LINGO2: variants seen among roughly 807,000 people sequenced by gnomAD.
LINGO2 encodes leucine-rich repeat and immunoglobulin-like domain-containing nogo receptor-interacting protein 2.
LINGO2 carries 14 observed loss-of-function variants against 30.6 expected under a neutral mutation model. The ratio of observed to expected loss-of-function variants is 0.46; its 90% CI spans 0.30 to 0.72. The LOEUF (loss-of-function observed/expected upper bound fraction) is 0.72. Among genes scored for constraint, LINGO2 ranks in the 30% least tolerant of loss-of-function variants. LINGO2 has a pLI of 0.07. For missense variants in LINGO2, 729 were observed against 751.7 expected (o/e 0.97, Z 0.35); for synonymous variants, 317 against 288.5 (o/e 1.10, Z -1.00).
intron 4 of LINGO2, among the ~76,000 whole-genome samples, chr9:28,015,830 CAAAT>C (rs1189388071): frequency 6.6e-6 from 1 of 151,980 alleles, no homozygotes; most frequent in African/African-American, 2.4e-5. Context: ...GTTCATTTTA[CAAAT>C]ATATATTGGA....
chr9:28,215,104 T>C (rs2133873255), intron 4 of LINGO2, among the ~76,000 whole-genome samples: 1 of 151,876 alleles, frequency 6.6e-6, no homozygotes. Flanking sequence ...TGAGAATGGC[T>C]GATATTGCTG....
intron 4 of LINGO2, among the ~76,000 whole-genome samples, chr9:28,192,712 T>C (rs1014647735): frequency 2.6e-5 from 4 of 152,194 alleles, no homozygotes; most frequent in Non-Finnish European, 5.9e-5. Context: ...GTTTAGACAC[T>C]TTATGCAAAA....
At chr9:28,470,888 A>C (rs1201161511) in intron 2 of LINGO2, among the ~76,000 whole-genome samples, 1 of 148,332 alleles carries the variant, frequency 6.7e-6, no homozygotes, top group Non-Finnish European at 1.5e-5. Flanking sequence ...ATAATATATA[A>C]TATAGTACAT....
the LINGO2 span, among the ~76,000 whole-genome samples, chr9:28,970,100 AG>A: frequency 6.6e-6 from 1 of 152,090 alleles, no homozygotes; most frequent in Non-Finnish European, 1.5e-5. Context: ...AGGGAAGAGA[AG>A]GGAATAATAG....
At chr9:28,679,877 T>C in the LINGO2 span, among the ~76,000 whole-genome samples, 1 of 152,058 alleles carries the variant, frequency 6.6e-6, no homozygotes, top group Non-Finnish European at 1.5e-5. Flanking sequence ...GTATACACTG[T>C]GGAATGGCTA....
intron 1 of LINGO2, among the ~76,000 whole-genome samples, chr9:28,601,355 C>T (rs1825461954): frequency 6.6e-6 from 1 of 152,140 alleles, no homozygotes; most frequent in Non-Finnish European, 1.5e-5. Context: ...ACCCAGCAGG[C>T]AGCCAGGTGC....
At position 28,434,148 on chromosome 9, in the gene LINGO2, A is replaced by C. The variant is rs147278806; in HGVS notation, c.-279+41792T>G. 3.2e-3 allele frequency among the ~76,000 whole-genome samples: 481 copies of C among 151,688 alleles called. 3 individuals carry two copies. Among genetic ancestry groups the C allele is most frequent in the African/African-American group, 0.011 (461 of 41,408 alleles). ...CTCACTTACAAGTGGGAGCTAAGCT[A>C]TGAGGACTGCAAAGGCATAAGAATG... is the stretch of plus-strand genomic sequence containing the variant. On this transcript the variant is annotated intron_variant, in intron 2 of 5. Transcript: ENST00000379992.
At chr9:28,715,869 C>A in the LINGO2 span, among the ~76,000 whole-genome samples, 1 of 151,998 alleles carries the variant, frequency 6.6e-6, no homozygotes, top group Non-Finnish European at 1.5e-5. Context: ...CTATATTGGA[C>A]TTGTGTCAGT....
the LINGO2 span, among the ~76,000 whole-genome samples, chr9:29,128,040 G>A: frequency 6.6e-6 from 1 of 152,084 alleles, no homozygotes; most frequent in Non-Finnish European, 1.5e-5. Context: ...AGTGGAAGGG[G>A]AAGCATGGGA....
At chr9:28,839,833 C>T in the LINGO2 span, among the ~76,000 whole-genome samples, 8 of 152,180 alleles carry the variant, frequency 5.3e-5, no homozygotes, top group African/African-American at 1.9e-4. Flanking sequence ...AGAAGGCTAT[C>T]TGCCTCCTGC....
the LINGO2 span, among the ~76,000 whole-genome samples, chr9:29,209,977 C>T: frequency 2.6e-5 from 4 of 152,232 alleles, no homozygotes; most frequent in African/African-American, 9.6e-5. Context: ...ACATTTCCAC[C>T]TAGAGTCCTT....
intron 1 of LINGO2, among the ~76,000 whole-genome samples, chr9:28,531,710 G>T (rs1449898620): frequency 6.6e-6 from 1 of 151,848 alleles, no homozygotes; most frequent in African/African-American, 2.4e-5. Flanking sequence ...CACTTTATTT[G>T]TATTAACATT....
At chr9:28,854,405 A>G in the LINGO2 span, among the ~76,000 whole-genome samples, 9 of 152,168 alleles carry the variant, frequency 5.9e-5, no homozygotes, top group South Asian at 6.2e-4. Flanking sequence ...TATGTGCAGC[A>G]TTAAAACTGG....
chr9:28,439,571 T>C (rs1824104004), intron 2 of LINGO2, among the ~76,000 whole-genome samples: 1 of 152,042 alleles, frequency 6.6e-6, no homozygotes, highest in Non-Finnish European at 1.5e-5. Context: ...AGAGTTCTCA[T>C]GAGATCTAGT....
intron 3 of LINGO2, among the ~76,000 whole-genome samples, chr9:28,351,407 G>A (rs1306871255): frequency 1.3e-5 from 2 of 151,310 alleles, no homozygotes; most frequent in Non-Finnish European, 2.9e-5. Flanking sequence ...TAGAAGAAAT[G>A]GATAAATTCC....
At chr9:29,164,089 G>T in the LINGO2 span, among the ~76,000 whole-genome samples, 1 of 148,744 alleles carries the variant, frequency 6.7e-6, no homozygotes. Flanking sequence ...AGCAGTTGAT[G>T]AAGGGGCCTA....
the LINGO2 span, among the ~76,000 whole-genome samples, chr9:29,077,001 T>C: frequency 6.6e-6 from 1 of 152,132 alleles, no homozygotes; most frequent in Non-Finnish European, 1.5e-5. Context: ...CTACTATGGT[T>C]ACTGATTCCT....
intron 5 of LINGO2, among the ~76,000 whole-genome samples, chr9:27,980,838 A>G (rs1160141384): frequency 1.3e-5 from 2 of 151,832 alleles, no homozygotes; most frequent in Non-Finnish European, 2.9e-5. Flanking sequence ...GTGCTTCTTA[A>G]GTGATACTTT....
chr9:28,951,241 C>A, the LINGO2 span, among the ~76,000 whole-genome samples: 515 of 152,174 alleles, frequency 3.4e-3, 6 homozygotes, highest in African/African-American at 0.012. Context: ...AAAATTAACT[C>A]TAGATGGATT....
Sources: allele counts gnomAD v4.1 joint callset (sites outside exome capture counted in the v4.1 genomes callset), GRCh38; gene constraint gnomAD v4.1.1; transcripts MANE v1.5; gene names NCBI Gene and HGNC (gene_info 2026-07-23, HGNC 2026-07-21).